The following CALN1 variants were observed in gnomAD, a reference collection of about 807,000 sequenced individuals.
The protein encoded by CALN1 is calneuron 1.
In CALN1, 17 loss-of-function variants were observed where a neutral mutation model predicts 30.6. The observed-to-expected ratio is 0.56, with a 90% CI of 0.38 to 0.83. The LOEUF (loss-of-function observed/expected upper bound fraction) is 0.83. CALN1 is among the 40% of genes least tolerant of loss of function. The pLI is 0.00. For synonymous variants in CALN1, 156 were observed against 131.4 expected (o/e 1.19, Z -1.28); for missense variants, 291 against 354.9 (o/e 0.82, Z 1.45).
rs35252557 is a variant in CALN1, at chr7:71,852,471, T to TAAA, written c.502-41982_502-41980dup. Among the ~76,000 whole-genome samples, 122 of 118,580 alleles carry TAAA rather than the reference T, an allele frequency of 1.0e-3. No individual in the cohort carries two copies. In the East Asian group the frequency reaches 0.011, roughly 11 times the overall value. The allele number at this position is 118,580 out of a possible 152,430, so 77.8% of individuals were successfully genotyped here. ...GGGCATTATAGTGAGACCCTGTCTCTAAAAAAAAAAAAAAAAAAAAATCTT... is the reference window on the plus strand; with the variant it reads ...GGGCATTATAGTGAGACCCTGTCTCTAAAAAAAAAAAAAAAAAAAAAAAATCTT... On this transcript the variant is annotated intron_variant, in intron 5 of 6. Transcript: ENST00000395275.
At chr7:72,402,809 G>T (rs562666259) in intron 2 of CALN1, among the ~76,000 whole-genome samples, 1 of 152,244 alleles carries the variant, frequency 6.6e-6, no homozygotes, top group South Asian at 2.1e-4. Flanking sequence ...AGGAATCCCA[G>T]GTTTGCCTTT....
chr7:72,229,971 T>C (rs1254805969), intron 3 of CALN1, among the ~76,000 whole-genome samples: 1 of 151,478 alleles, frequency 6.6e-6, no homozygotes, highest in Non-Finnish European at 1.5e-5. Context: ...TGAAACCCCG[T>C]CTCTACAAAA....
chr7:71,867,750 A>G (rs1791676517), intron 5 of CALN1, among the ~76,000 whole-genome samples: 1 of 152,072 alleles, frequency 6.6e-6, no homozygotes, highest in Non-Finnish European at 1.5e-5. Context: ...GCCTTTTAGA[A>G]TACTCCTTTT....
intron 5 of CALN1, among the ~76,000 whole-genome samples, chr7:71,925,935 C>T (rs1795247882): frequency 6.6e-6 from 1 of 152,066 alleles, no homozygotes; most frequent in Non-Finnish European, 1.5e-5. Flanking sequence ...CTAACTGCAA[C>T]CTCTGCCTCC....
chr7:71,937,308 C>T (rs1024314144), intron 5 of CALN1, among the ~76,000 whole-genome samples: 3 of 151,452 alleles, frequency 2.0e-5, no homozygotes, highest in Non-Finnish European at 4.4e-5. Flanking sequence ...GAAACTTTGT[C>T]TCAAAACAAA....
At chr7:71,969,902 G>A (rs2129526243) in intron 5 of CALN1, among the ~76,000 whole-genome samples, 1 of 151,010 alleles carries the variant, frequency 6.6e-6, no homozygotes, top group South Asian at 2.1e-4. Flanking sequence ...TTGGCTCACT[G>A]CAACCTCTGC....
At chr7:72,080,774 G>A (rs1373603205) in intron 4 of CALN1, among the ~76,000 whole-genome samples, 2 of 152,146 alleles carry the variant, frequency 1.3e-5, no homozygotes, top group Non-Finnish European at 2.9e-5. Flanking sequence ...ACCTGGAATG[G>A]GAAAGACGCC....
intron 2 of CALN1, among the ~76,000 whole-genome samples, chr7:72,368,214 T>C (rs1243983997): frequency 1.3e-5 from 2 of 151,070 alleles, no homozygotes; most frequent in Non-Finnish European, 2.9e-5. Context: ...TGTATATATA[T>C]CTATGTGCGT....
intron 1 of CALN1, among the ~76,000 whole-genome samples, chr7:72,403,708 C>T (rs186105059): frequency 2.0e-5 from 3 of 152,298 alleles, no homozygotes; most frequent in African/African-American, 4.8e-5. Context: ...TTTTTCCATT[C>T]GTACCCCCGT....
intron 4 of CALN1, among the ~76,000 whole-genome samples, chr7:72,094,584 T>G (rs1295304031): frequency 6.6e-6 from 1 of 152,054 alleles, no homozygotes; most frequent in Non-Finnish European, 1.5e-5. Context: ...TTGGCTTGAA[T>G]AGCTAGAAGG....
At chr7:72,109,322 T>C (rs2129541463) in intron 3 of CALN1, among the ~76,000 whole-genome samples, 1 of 152,278 alleles carries the variant, frequency 6.6e-6, no homozygotes, top group Middle Eastern at 3.4e-3. Context: ...AGGCCTCAGT[T>C]TGTTCATGCG....
chr7:72,390,113 A>G (rs910754553), intron 2 of CALN1, among the ~76,000 whole-genome samples: 11 of 151,960 alleles, frequency 7.2e-5, no homozygotes, highest in African/African-American at 1.2e-4. Flanking sequence ...AGACCTGAAA[A>G]AAGAAGCACT....
At chr7:71,958,486 C>G (rs1797081791) in intron 5 of CALN1, among the ~76,000 whole-genome samples, 1 of 152,180 alleles carries the variant, frequency 6.6e-6, no homozygotes, top group African/African-American at 2.4e-5. Flanking sequence ...TGGTCCTTCA[C>G]AAAGTACCAA....
intron 5 of CALN1, among the ~76,000 whole-genome samples, chr7:71,887,959 C>T (rs548449808): frequency 3.3e-5 from 5 of 152,118 alleles, no homozygotes; most frequent in East Asian, 3.9e-4. Context: ...CTGGGACCCG[C>T]GGAGTTTGAC....
intron 5 of CALN1, among the ~76,000 whole-genome samples, chr7:71,976,693 T>C (rs1798117045): frequency 6.6e-6 from 1 of 152,174 alleles, no homozygotes; most frequent in Non-Finnish European, 1.5e-5. Context: ...CAAAAGTGAA[T>C]GGAAATTCTT....
At chr7:71,990,081 GT>G (rs1562959785) in intron 5 of CALN1, among the ~76,000 whole-genome samples, 1 of 152,108 alleles carries the variant, frequency 6.6e-6, no homozygotes, top group Admixed American at 6.6e-5. Context: ...TGAGATTGGA[GT>G]TTGGCACAAA....
At chr7:72,479,614 G>A in the CALN1 span, among the ~76,000 whole-genome samples, 1 of 148,116 alleles carries the variant, frequency 6.8e-6, no homozygotes, top group Non-Finnish European at 1.5e-5. Flanking sequence ...TTGCAATGGC[G>A]TGATCTTGGC....
intron 3 of CALN1, among the ~76,000 whole-genome samples, chr7:72,242,827 G>C (rs1433560081): frequency 4.6e-5 from 7 of 152,180 alleles, no homozygotes; most frequent in Admixed American, 2.6e-4. Flanking sequence ...GGCAGAGATT[G>C]CAGTAAGCCA....
intron 4 of CALN1, among the ~76,000 whole-genome samples, chr7:72,047,024 T>G (rs1802516628): frequency 6.6e-6 from 1 of 152,056 alleles, no homozygotes; most frequent in Non-Finnish European, 1.5e-5. Context: ...AAGATTGTGC[T>G]GCTACACTCT....
Sources: allele counts gnomAD v4.1 joint callset (sites outside exome capture counted in the v4.1 genomes callset), GRCh38; gene constraint gnomAD v4.1.1; transcripts MANE v1.5; gene names NCBI Gene and HGNC (gene_info 2026-07-23, HGNC 2026-07-21).